Variants in GRIK4 observed in about 807,000 individuals in gnomAD.
The protein encoded by GRIK4 is glutamate ionotropic receptor kainate type subunit 4.
Under a neutral mutation model 104.9 loss-of-function variants are expected in GRIK4, and 40 were observed. That is an observed-to-expected ratio of 0.38 (90% CI 0.30 to 0.50). The LOEUF (loss-of-function observed/expected upper bound fraction) is 0.50. Ranked by LOEUF, GRIK4 falls within the 20% of genes least tolerant of loss-of-function variation. The pLI is 0.93. For missense variants in GRIK4, 1,047 were observed against 1,308.1 expected (o/e 0.80, Z 3.08); for synonymous variants, 485 against 524.9 (o/e 0.92, Z 1.04).
At chr11:120,764,666 C>T (rs1383282688) in intron 3 of GRIK4, among the ~76,000 whole-genome samples, 1 of 151,970 alleles carries the variant, frequency 6.6e-6, no homozygotes, top group African/African-American at 2.4e-5. Flanking sequence ...GATAAAATCC[C>T]TCAGCATTTG....
intron 1 of GRIK4, among the ~76,000 whole-genome samples, chr11:120,643,185 A>C (rs1014634576): frequency 6.6e-6 from 1 of 152,224 alleles, no homozygotes; most frequent in African/African-American, 2.4e-5. Context: ...AATAAGAAAT[A>C]TAATAAGTAA....
intron 13 of GRIK4, among the ~76,000 whole-genome samples, chr11:120,930,476 C>T (rs2186620): frequency 0.76 from 114,920 of 152,076 alleles, 45,058 homozygotes; most frequent in East Asian, 0.99. Flanking sequence ...CCCTACTTTA[C>T]TGATGAAAAA....
intron 3 of GRIK4, among the ~76,000 whole-genome samples, chr11:120,706,643 C>T (rs1405693652): frequency 2.0e-5 from 3 of 152,298 alleles, no homozygotes; most frequent in African/African-American, 7.2e-5. Flanking sequence ...GCCTAGAAAA[C>T]GTTCGACCTA....
At chr11:120,802,939 C>T in intron 4 of GRIK4, 82 bp downstream of exon 4, 2 of 1,205,638 alleles carry the variant, frequency 1.7e-6, no homozygotes, top group Non-Finnish European at 1.2e-6. Flanking sequence ...CTATCAGTCA[C>T]CAGGCCTCTG....
In GRIK4 at chr11:120,862,301, T is replaced by G. The variant is rs994596279; in HGVS notation, c.906+181T>G. 5.1e-6 allele frequency: 3 copies of G among 587,876 alleles called. No homozygotes were observed. The African/African-American group carries it at 5.6e-5, about 11-fold the overall frequency. 36.4% of individuals were successfully genotyped at this position (587,876 alleles called of 1,614,324 possible). ...GCAGGGTATGAGGTTTGGGAAGCAA[T>G]GAGCTGTAGACAGCAGGGAGGGGGC... On this transcript the variant is annotated intron_variant, in intron 9 of 20. Transcript: ENST00000527524.
intron 3 of GRIK4, among the ~76,000 whole-genome samples, chr11:120,689,749 C>T (rs1463604729): frequency 6.6e-6 from 1 of 152,124 alleles, no homozygotes; most frequent in African/African-American, 2.4e-5. Flanking sequence ...CTGATAGTTT[C>T]CTCCTCTGTT....
chr11:120,970,244 G>A (rs1855342634), intron 19 of GRIK4, among the ~76,000 whole-genome samples: 1 of 152,188 alleles, frequency 6.6e-6, no homozygotes, highest in South Asian at 2.1e-4. Context: ...CTGACGGAAG[G>A]CGTGTGGTGG....
At chr11:120,958,032 G>A (rs1944203649) in intron 16 of GRIK4, among the ~76,000 whole-genome samples, 1 of 152,220 alleles carries the variant, frequency 6.6e-6, no homozygotes, top group South Asian at 2.1e-4. Context: ...CCAGGAAGAG[G>A]GATGGACGAT....
intron 3 of GRIK4, among the ~76,000 whole-genome samples, chr11:120,787,941 C>A (rs1952321498): frequency 7.3e-6 from 1 of 136,074 alleles, no homozygotes; most frequent in Non-Finnish European, 1.5e-5. Context: ...CGGCTCACAG[C>A]AGCAACCTCC....
At chr11:120,794,246 G>A (rs558044016) in intron 3 of GRIK4, among the ~76,000 whole-genome samples, 6 of 148,568 alleles carry the variant, frequency 4.0e-5, no homozygotes, top group Non-Finnish European at 7.4e-5. Flanking sequence ...AGAGCCAGGC[G>A]ATGGTTAGCG....
chr11:120,630,954 T>G (rs966073387), intron 1 of GRIK4, among the ~76,000 whole-genome samples: 2 of 152,302 alleles, frequency 1.3e-5, no homozygotes, highest in African/African-American at 4.8e-5. Flanking sequence ...GCCGAGCGGT[T>G]AAGAATGGTG....
chr11:120,699,980 G>C (rs1250159260), intron 3 of GRIK4, among the ~76,000 whole-genome samples: 1 of 152,196 alleles, frequency 6.6e-6, no homozygotes, highest in Non-Finnish European at 1.5e-5. Context: ...TTTGAGCAAA[G>C]TAAGGCCATG....
intron 3 of GRIK4, among the ~76,000 whole-genome samples, chr11:120,715,256 G>C (rs913478304): frequency 3.3e-5 from 5 of 152,190 alleles, no homozygotes; most frequent in African/African-American, 4.8e-5. Flanking sequence ...GGGCCCTGGG[G>C]CACAGTCCCG....
At chr11:120,874,626 A>G (rs1954723809) in intron 10 of GRIK4, among the ~76,000 whole-genome samples, 1 of 152,082 alleles carries the variant, frequency 6.6e-6, no homozygotes, top group Admixed American at 6.5e-5. Context: ...TGGGTTTCCC[A>G]TTGTTGTCCT....
chr11:120,543,269 CAACAAA>C (rs1348045289), intron 1 of GRIK4, among the ~76,000 whole-genome samples: 7 of 152,000 alleles, frequency 4.6e-5, no homozygotes, highest in South Asian at 4.2e-4. Flanking sequence ...AAAGTTAAAA[CAACAAA>C]AACAAAAACA....
rs1052130104 is a variant in GRIK4, at chr11:120,956,144, A to C, written c.1701-636A>C. Among the ~76,000 whole-genome samples the C allele has an allele frequency of 6.6e-6, 1 of 151,498 alleles. No homozygotes were observed. The highest frequency in any genetic ancestry group is 6.6e-5 in the Admixed American group (1 of 15,248). On this transcript the variant is annotated intron_variant, in intron 15 of 20. Coordinates refer to ENST00000527524, the MANE Select transcript of GRIK4 (RefSeq NM_014619.5). This position sits in a 1 kb window ranked among gnomAD's most constrained non-coding sequence, Gnocchi z 4.6. ...ACCCTGTCACTGGCAGTGACAGAACAAGCGGCTTCCCAGGCTGTCCACCTC... is the reference window on the plus strand; with the variant it reads ...ACCCTGTCACTGGCAGTGACAGAACCAGCGGCTTCCCAGGCTGTCCACCTC...
At chr11:120,974,809 A>G (rs922095155) in intron 19 of GRIK4, among the ~76,000 whole-genome samples, 1 of 152,248 alleles carries the variant, frequency 6.6e-6, no homozygotes, top group African/African-American at 2.4e-5. Flanking sequence ...ATCCTGTGGA[A>G]AACTGGAGAT....
chr11:120,817,425 C>T (rs1262092821), intron 5 of GRIK4, among the ~76,000 whole-genome samples: 1 of 152,226 alleles, frequency 6.6e-6, no homozygotes, highest in African/African-American at 2.4e-5. Context: ...TTCCTCTCTG[C>T]TCAGATTATG....
chr11:120,772,015 G>A (rs1951952475), intron 3 of GRIK4, among the ~76,000 whole-genome samples: 1 of 152,336 alleles, frequency 6.6e-6, no homozygotes, highest in African/African-American at 2.4e-5. Context: ...CAACCTCTGA[G>A]GGCTATAGTG....
Sources: allele counts gnomAD v4.1 joint callset (sites outside exome capture counted in the v4.1 genomes callset), GRCh38; gene constraint gnomAD v4.1.1; non-coding constraint Gnocchi (gnomAD v3.1); transcripts MANE v1.5; gene names NCBI Gene and HGNC (gene_info 2026-07-23, HGNC 2026-07-21).